The following BLTP3B variants were observed in gnomAD, a reference collection of about 807,000 sequenced individuals.
BLTP3B encodes bridge-like lipid transfer protein family member 3B, also known as UHRF1 (ICBP90) binding protein 1-like.
At chr12:100,065,610 C>T in the BLTP3B span, among the ~76,000 whole-genome samples, 2 of 152,134 alleles carry the variant, frequency 1.3e-5, no homozygotes, top group Non-Finnish European at 2.9e-5. Context: ...TACCCTCAGG[C>T]TTATGAGGGT....
chr12:100,079,766 T>C, the BLTP3B span, among the ~76,000 whole-genome samples: 1 of 152,194 alleles, frequency 6.6e-6, no homozygotes. Flanking sequence ...GCCCCTCCCA[T>C]TATAGGCCCA....
At chr12:100,040,228 T>C in the BLTP3B span, among the ~76,000 whole-genome samples, 16 of 152,140 alleles carry the variant, frequency 1.1e-4, no homozygotes, top group Non-Finnish European at 4.4e-5. Context: ...AACAACAGTA[T>C]GTCAATAATT....
At chr12:100,117,189 G>A in the BLTP3B span, among the ~76,000 whole-genome samples, 3 of 152,166 alleles carry the variant, frequency 2.0e-5, no homozygotes, top group Admixed American at 6.5e-5. Flanking sequence ...TTCTTTTAGT[G>A]AGGGCTGCAC....
chr12:100,057,829 G>C, the BLTP3B span: 1 of 1,370,490 alleles, frequency 7.3e-7, no homozygotes, highest in Non-Finnish European at 9.8e-7. Flanking sequence ...ATTAAAATAT[G>C]TATATAGCAT....
chr12:100,136,008 C>T, the BLTP3B span, among the ~76,000 whole-genome samples: 1 of 152,114 alleles, frequency 6.6e-6, no homozygotes, highest in Non-Finnish European at 1.5e-5. Context: ...GTCAGGAGTT[C>T]GAGAACAGCC....
chr12:100,055,270 T>C, the BLTP3B span, among the ~76,000 whole-genome samples: 1 of 152,238 alleles, frequency 6.6e-6, no homozygotes, highest in Non-Finnish European at 1.5e-5. Context: ...CCCTAGGCTT[T>C]GTTTGCCTCA....
chr12:100,082,317 TA>T, the BLTP3B span, among the ~76,000 whole-genome samples: 2 of 152,262 alleles, frequency 1.3e-5, no homozygotes, highest in African/African-American at 2.4e-5. Flanking sequence ...CTTTGTCAGA[TA>T]AATAATTTGT....
the BLTP3B span, chr12:100,048,160 G>A: frequency 2.5e-6 from 4 of 1,603,896 alleles, no homozygotes; most frequent in Admixed American, 1.7e-5. Context: ...AATCTCAGGA[G>A]AGGATTTGGA....
At chr12:100,119,919 A>G in the BLTP3B span, among the ~76,000 whole-genome samples, 1 of 152,244 alleles carries the variant, frequency 6.6e-6, no homozygotes, top group South Asian at 2.1e-4. Flanking sequence ...GGAGAAAAAA[A>G]TAAGTTAGTG....
chr12:100,104,018 T>C, the BLTP3B span: 2 of 1,207,060 alleles, frequency 1.7e-6, no homozygotes, highest in Non-Finnish European at 2.4e-6. Context: ...CAGTAATCAA[T>C]ACAGGTGTTA....
chr12:100,050,151 TA>T, the BLTP3B span: 1,273 of 1,169,196 alleles, frequency 1.1e-3, no homozygotes, highest in South Asian at 4.4e-3. Context: ...GAAAAATAAT[TA>T]AAAAAAAAAA....
the BLTP3B span, chr12:100,084,750 T>C: frequency 7.5e-7 from 1 of 1,325,460 alleles, no homozygotes. Context: ...TAGTCGTTTA[T>C]TCAAGAAAGA....
the BLTP3B span, among the ~76,000 whole-genome samples, chr12:100,107,234 G>A: frequency 1.2e-4 from 16 of 138,014 alleles, no homozygotes; most frequent in African/African-American, 4.4e-4. Flanking sequence ...GCTGCAGTGA[G>A]CCAAGACGGT....
chr12:100,113,794 A>G, the BLTP3B span, among the ~76,000 whole-genome samples: 1 of 145,176 alleles, frequency 6.9e-6, no homozygotes, highest in Non-Finnish European at 1.5e-5. Flanking sequence ...CCTGTCTCAG[A>G]AAAAAAAAAA....
the BLTP3B span, chr12:100,059,788 G>A: frequency 3.5e-5 from 51 of 1,473,630 alleles, no homozygotes; most frequent in Admixed American, 1.0e-4. Flanking sequence ...ATACATATAC[G>A]CACAAATCAT....
At chr12:100,091,317 T>C in the BLTP3B span, among the ~76,000 whole-genome samples, 1 of 148,872 alleles carries the variant, frequency 6.7e-6, no homozygotes, top group African/African-American at 2.5e-5. Context: ...GCCTCCAGAG[T>C]AGCTGGGACT....
chr12:100,117,910 G>A, the BLTP3B span, among the ~76,000 whole-genome samples: 79 of 152,250 alleles, frequency 5.2e-4, no homozygotes, highest in African/African-American at 1.8e-3. Flanking sequence ...TTATCTGGGG[G>A]ACTCATTTAT....
At chr12:100,068,037 C>A in the BLTP3B span, among the ~76,000 whole-genome samples, 667 of 152,146 alleles carry the variant, frequency 4.4e-3, 6 homozygotes, top group African/African-American at 0.015. Context: ...GTCTGCATGG[C>A]CAAAGCAAGA....
At chr12:100,107,073 C>CTG in the BLTP3B span, among the ~76,000 whole-genome samples, 1 of 151,750 alleles carries the variant, frequency 6.6e-6, no homozygotes, top group Non-Finnish European at 1.5e-5. Context: ...GGTGGATCAC[C>CTG]TGTCAGGAAT....
Sources: gnomAD v4.1 joint callset for allele counts (sites outside exome capture counted in the v4.1 genomes callset) on GRCh38, gnomAD v4.1.1 for gene constraint, MANE v1.5 for transcripts, NCBI Gene and HGNC (gene_info 2026-07-23, HGNC 2026-07-21) for gene names.